RNF216: variants seen among roughly 807,000 people sequenced by gnomAD.
RNF216 encodes the protein ring finger protein 216, also known as E3 ubiquitin-protein ligase RNF216.
A neutral mutation model predicts 110.8 loss-of-function variants in RNF216; 72 were observed. The ratio of observed to expected loss-of-function variants is 0.65; its 90% CI spans 0.54 to 0.79. The LOEUF (loss-of-function observed/expected upper bound fraction) is 0.79, where lower values mean the gene tolerates loss of function less well. Among genes scored for constraint, RNF216 ranks in the 30% least tolerant of loss-of-function variants. RNF216 has a pLI of 0.00. For missense variants in RNF216, 1,342 were observed against 1,141.2 expected (o/e 1.18, Z -2.54); for synonymous variants, 495 against 407.5 (o/e 1.21, Z -2.59).
At chr7:5,778,144 C>A (rs773219561) in intron 1 of RNF216, among the ~76,000 whole-genome samples, 48 of 152,184 alleles carry the variant, frequency 3.2e-4, no homozygotes, top group Non-Finnish European at 6.6e-4. Context: ...TTACCATGGC[C>A]TACAAAACGC....
chr7:5,662,895 T>G (rs755309044), intron 13 of RNF216, among the ~76,000 whole-genome samples: 49 of 151,904 alleles, frequency 3.2e-4, no homozygotes, highest in Admixed American at 9.8e-4. Flanking sequence ...TAGAGAAGCG[T>G]TCCAGGTACA....
chr7:5,641,526 T>C (rs1198795291), intron 14 of RNF216, 150 bp from the exon 15 acceptor site: 2 of 660,528 alleles, frequency 3.0e-6, no homozygotes, highest in Non-Finnish European at 2.5e-6. Context: ...TTTTGGAGTC[T>C]GAGAACTGCT....
Position 5,747,761 on chromosome 7 carries a change from AAAAAAAAAAAAAAAG to A in RNF216, c.201+5070_201+5084del, listed in dbSNP as rs1462094816. On this transcript the variant is annotated intron_variant, in intron 3 of 16. Coordinates refer to ENST00000389902, the MANE Select transcript of RNF216 (RefSeq NM_207111.4). ...GACTCCATCTCAAAAAAAAAAAAAAAAAAAAAAAAAAAAAGGGGAAAAAAAAAGAAAAAATAAATA... is the reference window on the plus strand; with the variant it reads ...GACTCCATCTCAAAAAAAAAAAAAAAGGGAAAAAAAAAGAAAAAATAAATA... Among the ~76,000 whole-genome samples, 90 of 126,240 alleles carry A rather than the reference AAAAAAAAAAAAAAAG, an allele frequency of 7.1e-4. 1 individual carries two copies. The highest frequency in any genetic ancestry group is 3.6e-3 in the African/African-American group (80 of 21,918). The allele number at this position is 126,240 out of a possible 152,430, so 82.8% of individuals were successfully genotyped here.
At chr7:5,660,681 G>A (rs1050826069) in intron 13 of RNF216, among the ~76,000 whole-genome samples, 1 of 151,918 alleles carries the variant, frequency 6.6e-6, no homozygotes, top group African/African-American at 2.4e-5. Flanking sequence ...TGGCTCAAGC[G>A]ATCCTCCCAC....
chr7:5,761,463 C>T (rs1795929454), intron 1 of RNF216, among the ~76,000 whole-genome samples: 1 of 152,134 alleles, frequency 6.6e-6, no homozygotes, highest in South Asian at 2.1e-4. Flanking sequence ...CTCAACCTCA[C>T]TAATAATCAG....
In RNF216 at chr7:5,643,487, AG is replaced by A. The variant is rs1267099158; in HGVS notation, c.2160-2112del. Among the ~76,000 whole-genome samples the A allele has an allele frequency of 1.3e-5, 2 of 151,966 alleles. 1 individual carries two copies. Among genetic ancestry groups the A allele is most frequent in the African/African-American group, 4.8e-5 (2 of 41,362 alleles). On this transcript the variant is annotated intron_variant, in intron 14 of 16. Transcript: ENST00000389902. ...ACCTTGCGCTCACACAGGAAGGCTC[AG>A]GGCCTCTTCTATGCAGCCAGCGACA...
At chr7:5,720,550 A>G (rs556874714) in intron 9 of RNF216, among the ~76,000 whole-genome samples, 1 of 152,252 alleles carries the variant, frequency 6.6e-6, no homozygotes, top group Admixed American at 6.5e-5. Context: ...CACAGGGGGA[A>G]GCACTCCTAA....
In RNF216 at chr7:5,728,631, C is replaced by T. The variant is rs1016818898; in HGVS notation, c.1389+801G>A. 2.0e-5 allele frequency among the ~76,000 whole-genome samples: 3 copies of T among 152,094 alleles called. No homozygotes were observed. In the East Asian group the frequency reaches 5.8e-4, roughly 29 times the overall value. ...AAGGTGGAAGGGGCTTGGCCTAGAC[C>T]TTAGCATGAGCCACAGTCCTTGGCT... On this transcript the variant is annotated intron_variant, in intron 7 of 16. Transcript: ENST00000389902.
chr7:5,760,317 G>A (rs1795865054), intron 2 of RNF216: 1 of 212,342 alleles, frequency 4.7e-6, no homozygotes, highest in South Asian at 6.2e-5. Context: ...GAGAGATCAA[G>A]ACTAGCCTGA....
At chr7:5,728,187 T>C (rs1235496403) in intron 7 of RNF216, among the ~76,000 whole-genome samples, 1 of 152,226 alleles carries the variant, frequency 6.6e-6, no homozygotes, top group Admixed American at 6.5e-5. Flanking sequence ...GGGTCTGTGA[T>C]TAAATGTCCC....
At chr7:5,724,764 G>A (rs950064451) in intron 8 of RNF216, among the ~76,000 whole-genome samples, 7 of 152,134 alleles carry the variant, frequency 4.6e-5, no homozygotes, top group African/African-American at 7.2e-5. Context: ...TGTAGTAAAC[G>A]CCTTTACTGG....
intron 1 of RNF216, among the ~76,000 whole-genome samples, chr7:5,771,027 CGAACTCTTGACCTTGT>C (rs1796468528): frequency 6.6e-6 from 1 of 152,110 alleles, no homozygotes; most frequent in Non-Finnish European, 1.5e-5. Context: ...AGGCTGGTCT[CGAACTCTTGACCTTGT>C]GATTCGCCCA....
intron 1 of RNF216, among the ~76,000 whole-genome samples, chr7:5,768,476 CCTAA>C (rs1442760190): frequency 3.3e-5 from 5 of 151,232 alleles, no homozygotes; most frequent in Non-Finnish European, 5.9e-5. Flanking sequence ...AAGAGCTTGA[CCTAA>C]CTGACACTTT....
chr7:5,702,812 C>CTA (rs1185200075), intron 13 of RNF216, among the ~76,000 whole-genome samples: 2 of 152,166 alleles, frequency 1.3e-5, no homozygotes, highest in Non-Finnish European at 2.9e-5. Flanking sequence ...AGCCTCCTTG[C>CTA]TATGACGCCA....
chr7:5,623,983 C>G, intron 16 of RNF216, 73 bp downstream of exon 16: 1 of 1,358,804 alleles, frequency 7.4e-7, no homozygotes, highest in South Asian at 1.2e-5. Context: ...TGCCAGGACA[C>G]TCAGGGAGGC....
intron 13 of RNF216, among the ~76,000 whole-genome samples, chr7:5,687,394 C>CAAAAAAAAAAAAAAAAAAAAA (rs372177142): frequency 4.0e-5 from 2 of 49,888 alleles, no homozygotes; most frequent in African/African-American, 6.2e-5. Context: ...AACTCCACCT[C>CAAAAAAAAAAAAAAAAAAAAA]AAAAAAAAAA....
At chr7:5,623,459 CAGTT>C (rs1786515144) in intron 16 of RNF216, among the ~76,000 whole-genome samples, 1 of 151,264 alleles carries the variant, frequency 6.6e-6, no homozygotes, top group Non-Finnish European at 1.5e-5. Context: ...CTCAGTGACT[CAGTT>C]ACTTTTTTTT....
Position 5,741,199 on chromosome 7 carries a change from G to A in RNF216, c.818C>T (p.Ala273Val). The part of the protein sequence containing the change: ...LLFQHEFPGP[A>V]FPRPEPQQGG... ...TTGCTGGGGTTCCGGCCTTGGAAAA[G>A]CGGGCCCTGGGAATTCATGCTGAAA... Residue 273 changes from alanine (A) to valine (V), a missense_variant, in exon 4 of 17, where the codon GCT becomes GTT. Transcript: ENST00000389902. 1 of 1,614,156 alleles carries A rather than the reference G, an allele frequency of 6.2e-7. No individual in the cohort carries two copies. Among genetic ancestry groups the A allele is most frequent in the Non-Finnish European group, 8.5e-7 (1 of 1,180,018 alleles).
intron 14 of RNF216, among the ~76,000 whole-genome samples, chr7:5,647,707 G>A (rs1336345893): frequency 1.3e-5 from 2 of 152,110 alleles, no homozygotes; most frequent in Non-Finnish European, 2.9e-5. Flanking sequence ...AGAAGCCTGA[G>A]AATCATTCTA....
Sources: allele counts gnomAD v4.1 joint callset (sites outside exome capture counted in the v4.1 genomes callset), GRCh38; gene constraint gnomAD v4.1.1; transcripts MANE v1.5; gene names NCBI Gene and HGNC (gene_info 2026-07-23, HGNC 2026-07-21).